The following PARD3B variants were observed in gnomAD, a reference collection of about 807,000 sequenced individuals.
PARD3B encodes par-3 family cell polarity regulator beta, also known as partitioning defective 3 homolog B.
In PARD3B, 103 loss-of-function variants were observed where a neutral mutation model predicts 130.2. The ratio of observed to expected loss-of-function variants is 0.79; its 90% CI spans 0.67 to 0.93. The LOEUF (loss-of-function observed/expected upper bound fraction) is 0.93. Ranked by LOEUF, PARD3B falls within the 40% of genes least tolerant of loss-of-function variation. The pLI is 0.00. For missense variants in PARD3B, 1,609 were observed against 1,499.2 expected (o/e 1.07, Z -1.21); for synonymous variants, 583 against 553.2 (o/e 1.05, Z -0.76).
intron 16 of PARD3B, among the ~76,000 whole-genome samples, chr2:205,249,664 A>G (rs1446231298): frequency 6.6e-6 from 1 of 152,120 alleles, no homozygotes; most frequent in Admixed American, 6.5e-5. Context: ...GCTTCCCCAA[A>G]AGGGCATTGT....
intron 3 of PARD3B, among the ~76,000 whole-genome samples, chr2:205,034,136 T>A (rs1697630575): frequency 6.6e-6 from 1 of 152,182 alleles, no homozygotes; most frequent in Non-Finnish European, 1.5e-5. Context: ...TCCAAAGTTC[T>A]CAGGTCTGGG....
intron 2 of PARD3B, among the ~76,000 whole-genome samples, chr2:204,948,523 A>C (rs1019845978): frequency 6.6e-6 from 1 of 152,178 alleles, no homozygotes; most frequent in East Asian, 1.9e-4. Flanking sequence ...CACCTTTGCC[A>C]AAAAGCTCCC....
chr2:205,034,960 G>A (rs985791247), intron 3 of PARD3B, among the ~76,000 whole-genome samples: 2 of 152,070 alleles, frequency 1.3e-5, no homozygotes, highest in Non-Finnish European at 2.9e-5. Flanking sequence ...GAGTTCAAGT[G>A]ATCCTCCTGC....
At chr2:205,041,483 C>T (rs138134717) in intron 3 of PARD3B, among the ~76,000 whole-genome samples, 5 of 152,212 alleles carry the variant, frequency 3.3e-5, no homozygotes, top group South Asian at 2.1e-4. Context: ...CTGTGTCCTC[C>T]TCCAGGTTCT....
chr2:205,560,392 G>A (rs2053087269), intron 22 of PARD3B, among the ~76,000 whole-genome samples: 1 of 152,036 alleles, frequency 6.6e-6, no homozygotes, highest in Admixed American at 6.6e-5. Context: ...GTTCCCTTGG[G>A]CCCTTTGTTT....
chr2:205,565,113 G>A (rs1465211711), intron 22 of PARD3B, among the ~76,000 whole-genome samples: 6 of 152,150 alleles, frequency 3.9e-5, no homozygotes, highest in Admixed American at 3.9e-4. Context: ...GCCCAGATAA[G>A]ACTTCTGCCC....
chr2:204,922,185 A>G (rs886834110), intron 2 of PARD3B, among the ~76,000 whole-genome samples: 1 of 152,252 alleles, frequency 6.6e-6, no homozygotes, highest in East Asian at 1.9e-4. Flanking sequence ...ATTTTCGTTT[A>G]TGCAATAAAT....
At chr2:205,017,811 G>A (rs993325574) in intron 3 of PARD3B, among the ~76,000 whole-genome samples, 3 of 152,144 alleles carry the variant, frequency 2.0e-5, no homozygotes, top group Admixed American at 6.6e-5. Flanking sequence ...TGGGTGACTG[G>A]CAGAAAGATA....
At chr2:204,953,029 T>A (rs1161327328) in intron 2 of PARD3B, among the ~76,000 whole-genome samples, 1 of 144,386 alleles carries the variant, frequency 6.9e-6, no homozygotes, top group Non-Finnish European at 1.5e-5. Context: ...TATATATGTG[T>A]GTATATATGT....
In PARD3B at chr2:205,241,726, C is replaced by T. The variant is rs187023509; in HGVS notation, c.2141-4052C>T. On this transcript the variant is annotated intron_variant, in intron 15 of 22. Coordinates refer to ENST00000406610, the MANE Select transcript of PARD3B (RefSeq NM_001302769.2). The surrounding 1 kb of genome is among the most constrained non-coding windows in gnomAD (Gnocchi z 4.2). The stretch of plus-strand genomic sequence containing the variant: ...CTGTTTTGGAATCAAAGACCTTTCC[C>T]ACACCAGGCCCATTTATTTTTCAAT... Among the ~76,000 whole-genome samples the T allele has an allele frequency of 2.0e-5, 3 of 152,192 alleles. No homozygotes were observed. In the East Asian group the frequency reaches 5.8e-4, roughly 29 times the overall value.
chr2:205,167,881 G>A (rs1056676322), intron 11 of PARD3B, among the ~76,000 whole-genome samples: 2 of 152,152 alleles, frequency 1.3e-5, no homozygotes, highest in Non-Finnish European at 2.9e-5. Context: ...AGAAATGAAT[G>A]GGCAAATATA....
chr2:205,506,258 G>A lies in PARD3B; in HGVS notation c.3180+6227G>A, dbSNP rs905326188. On this transcript the variant is annotated intron_variant, in intron 21 of 22. Coordinates refer to ENST00000406610, the MANE Select transcript of PARD3B (RefSeq NM_001302769.2). ...TGAGGCAGGAAAATCACTTGAACCC[G>A]GGAGGCGGAAGTTGCAGTGAGCTGA... Among the ~76,000 whole-genome samples the A allele has an allele frequency of 4.6e-5, 7 of 152,132 alleles. No individual in the cohort carries two copies. The East Asian group carries it at 5.8e-4, about 13-fold the overall frequency.
chr2:204,779,192 A>C (rs758783718), intron 2 of PARD3B, among the ~76,000 whole-genome samples: 2 of 152,120 alleles, frequency 1.3e-5, no homozygotes, highest in Non-Finnish European at 2.9e-5. Flanking sequence ...CATCCCCTGG[A>C]CCAGTCTTGC....
chr2:205,365,568 A>C (rs992225315), intron 18 of PARD3B, among the ~76,000 whole-genome samples: 1 of 11,198 alleles, frequency 8.9e-5, no homozygotes, highest in African/African-American at 5.4e-4. Flanking sequence ...TTTTTTTTCT[A>C]ATCTACAGGA....
intron 1 of PARD3B, among the ~76,000 whole-genome samples, chr2:204,626,141 C>T (rs2034479357): frequency 6.6e-6 from 1 of 151,484 alleles, no homozygotes; most frequent in African/African-American, 2.4e-5. Flanking sequence ...AGTAGTAATC[C>T]CCATGGACTG....
At chr2:204,960,612 TTTG>T (rs771142789) in intron 2 of PARD3B, among the ~76,000 whole-genome samples, 5 of 152,190 alleles carry the variant, frequency 3.3e-5, no homozygotes, top group Non-Finnish European at 7.3e-5. Context: ...CTAGGTGTCT[TTTG>T]TTGTTGTGTT....
In PARD3B at chr2:205,172,203, TG is replaced by T; in HGVS notation, c.1621-7del. 1.2e-6 allele frequency: 2 copies of T among 1,612,982 alleles called. No homozygotes were observed. The highest frequency in any genetic ancestry group is 1.7e-6 in the Non-Finnish European group (2 of 1,179,210). ...TGTTGAATATTGTTTTCCTTTCTTCTGCCTTAGGATGGTCGTCTGCGAATGA... is the reference window on the plus strand; with the variant it reads ...TGTTGAATATTGTTTTCCTTTCTTCTCCTTAGGATGGTCGTCTGCGAATGA... On this transcript the variant is annotated splice_region_variant and splice_polypyrimidine_tract_variant and intron_variant, in intron 11 of 22. Transcript: ENST00000406610.
intron 21 of PARD3B, among the ~76,000 whole-genome samples, chr2:205,524,403 G>C (rs2051239766): frequency 6.6e-6 from 1 of 152,094 alleles, no homozygotes; most frequent in South Asian, 2.1e-4. Context: ...CAGCTGAGAG[G>C]ACAGGAGTGG....
chr2:205,103,257 T>A (rs1304104832), intron 4 of PARD3B, among the ~76,000 whole-genome samples: 10 of 119,958 alleles, frequency 8.3e-5, no homozygotes, highest in South Asian at 8.0e-4. Context: ...TAAAAAACAT[T>A]TTATATTTAT....
Sources: allele counts gnomAD v4.1 joint callset (sites outside exome capture counted in the v4.1 genomes callset), GRCh38; gene constraint gnomAD v4.1.1; non-coding constraint Gnocchi (gnomAD v3.1); transcripts MANE v1.5; gene names NCBI Gene and HGNC (gene_info 2026-07-23, HGNC 2026-07-21).